IKZF4: variants seen among roughly 807,000 people sequenced by gnomAD.
IKZF4 encodes IKAROS family zinc finger 4, also known as zinc finger protein Eos.
A neutral mutation model predicts 47.7 loss-of-function variants in IKZF4; 11 were observed. The ratio of observed to expected loss-of-function variants is 0.23; its 90% CI spans 0.15 to 0.38. The LOEUF is 0.38. Among genes scored for constraint, IKZF4 ranks in the 10% least tolerant of loss-of-function variants. The pLI, the probability that IKZF4 is intolerant of heterozygous loss-of-function variation, is 1.00. For synonymous variants in IKZF4, 298 were observed against 299.4 expected, an observed-to-expected ratio of 1.00 and a Z score of 0.05; for missense variants, 557 against 784.9, an observed-to-expected ratio of 0.71 and a Z score of 3.47.
upstream of IKZF4, among the ~76,000 whole-genome samples, chr12:56,017,127 T>G (rs1892187056): frequency 6.6e-6 from 1 of 151,944 alleles, no homozygotes; most frequent in South Asian, 2.1e-4. Flanking sequence ...AATTATCACT[T>G]TTAAGTGTTC....
chr12:56,026,232 C>T (rs1416047727), intron 3 of IKZF4, among the ~76,000 whole-genome samples: 2 of 152,066 alleles, frequency 1.3e-5, no homozygotes, highest in African/African-American at 2.4e-5. Flanking sequence ...CCACCACACC[C>T]GGCCCAACTT....
intron 5 of IKZF4, chr12:56,029,769 G>A (rs962996438): frequency 6.6e-6 from 1 of 152,204 alleles, no homozygotes; most frequent in African/African-American, 2.4e-5. Context: ...AAATGAAGCT[G>A]TTGGGGGGAA....
intron 5 of IKZF4, among the ~76,000 whole-genome samples, chr12:56,031,747 G>A (rs1465671080): frequency 6.6e-6 from 1 of 152,130 alleles, no homozygotes; most frequent in Non-Finnish European, 1.5e-5. Flanking sequence ...GTACCACTCT[G>A]TTTTCCAATT....
rs1341724438 is a variant in IKZF4 at position 56,036,350 on chromosome 12, T to C, written c.*1019T>C. On this transcript the variant is annotated 3_prime_UTR_variant, in exon 8 of 8. Coordinates refer to ENST00000547167, the MANE Select transcript of IKZF4 (RefSeq NM_022465.4). ...CTCAAACTTCTTCACTATAGTGACC[T>C]TCCTAGGCTCTCAGGGGCTCCTTCA... 2 of 152,510 alleles carry C rather than the reference T, an allele frequency of 1.3e-5. No individual in the cohort carries two copies. Among genetic ancestry groups the C allele is most frequent in the African/African-American group, 4.8e-5 (2 of 41,424 alleles). The allele number at this position is 152,510 out of a possible 1,614,324, so 9.4% of individuals were successfully genotyped here. A position where few individuals can be genotyped will look rare whatever the true frequency, so the allele number is the denominator to read the frequency against.
upstream of IKZF4, among the ~76,000 whole-genome samples, chr12:56,017,682 C>T (rs948682844): frequency 1.3e-5 from 2 of 152,018 alleles, no homozygotes; most frequent in East Asian, 1.9e-4. Flanking sequence ...TTGTCTTTCA[C>T]CAGGACAAAG....
intron 1 of IKZF4, chr12:56,010,997 A>G (rs1172680615): frequency 6.6e-6 from 1 of 152,198 alleles, no homozygotes; most frequent in African/African-American, 2.4e-5. Context: ...ATCAAAGGCA[A>G]TTGTTCCTGT....
chr12:56,014,781 A>T (rs1192813641), intron 2 of IKZF4, among the ~76,000 whole-genome samples: 1 of 150,006 alleles, frequency 6.7e-6, no homozygotes, highest in East Asian at 2.1e-4. Flanking sequence ...CTCCGTCTCA[A>T]AAAAAAAAAC....
At chr12:56,017,267 G>A (rs1441097179), upstream of IKZF4, among the ~76,000 whole-genome samples, 2 of 114,058 alleles carry the variant, frequency 1.8e-5, no homozygotes, top group South Asian at 3.0e-4. Flanking sequence ...TAAAATAAGC[G>A]TGGTAGAGTA....
At chr12:56,028,282 T>G (rs1894346057) in intron 5 of IKZF4, among the ~76,000 whole-genome samples, 1 of 151,624 alleles carries the variant, frequency 6.6e-6, no homozygotes, top group African/African-American at 2.4e-5. Flanking sequence ...TCCCAGCACT[T>G]TGGGAGGCCA....
At position 56,021,278 on chromosome 12, in the gene IKZF4, T is replaced by G; in HGVS notation, c.-216T>G. The G allele has an allele frequency of 7.9e-7, 1 of 1,266,096 alleles. No homozygotes were observed. Among genetic ancestry groups the G allele is most frequent in the South Asian group, 1.5e-5 (1 of 66,214 alleles). The allele number at this position is 1,266,096 out of a possible 1,614,324, so 78.4% of individuals were successfully genotyped here. ...GCTCTCCCCTCTCCTTCTCTCCCTC[T>G]CTCTCTCTCTCTCTCTCACACACAC... is the stretch of plus-strand genomic sequence containing the variant. On this transcript the variant is annotated 5_prime_UTR_variant, in exon 1 of 8. Transcript: ENST00000547167.
chr12:56,027,795 A>T lies in IKZF4; in HGVS notation c.563A>T (p.His188Leu). 6.2e-7 allele frequency: 1 copy of T among 1,613,194 alleles called. No individual in the cohort carries two copies. The highest frequency in any genetic ancestry group is 1.3e-5 in the African/African-American group (1 of 75,052). ...KRSHTGERPF[H>L]CNQCGASFTQ... Reference sequence around the variant, plus strand: ...TCACTTGCAGGTGAAAGGCCCTTCCATTGCAACCAGTGTGGTGCCTCCTTC... The same window carrying T: ...TCACTTGCAGGTGAAAGGCCCTTCCTTTGCAACCAGTGTGGTGCCTCCTTC... The change falls in exon 5 of 8, where the codon CAT (histidine) becomes CTT (leucine). Residue 188 changes from histidine (H) to leucine (L), a missense_variant. Physicochemically the swap from His to Leu is moderately conservative, Grantham distance 99 (BLOSUM62 -3). Around this residue, in one of 6 missense-constraint regions of IKZF4, gnomAD observed 27 missense variants for 85.4 expected, o/e 0.32. Coordinates refer to ENST00000547167, the MANE Select transcript of IKZF4 (RefSeq NM_022465.4).
At chr12:56,012,211 C>T (rs371690576) in intron 2 of IKZF4, among the ~76,000 whole-genome samples, 1 of 152,002 alleles carries the variant, frequency 6.6e-6, no homozygotes, top group Non-Finnish European at 1.5e-5. Flanking sequence ...ACCATCTTTC[C>T]CAACAATATT....
At chr12:56,026,664 G>A (rs775908652) in intron 3 of IKZF4, 117 bp from the exon 4 acceptor site, 8 of 1,158,686 alleles carry the variant, frequency 6.9e-6, no homozygotes, top group East Asian at 2.9e-5. Flanking sequence ...ACTCCAGCCT[G>A]GGCAACAAGA....
chr12:56,030,622 G>C (rs895273045), intron 5 of IKZF4, among the ~76,000 whole-genome samples: 1 of 151,992 alleles, frequency 6.6e-6, no homozygotes, highest in Non-Finnish European at 1.5e-5. Context: ...CCTGCTACTC[G>C]GGAGGCTGAG....
chr12:56,028,040 T>G, intron 5 of IKZF4, 93 bp downstream of exon 5: 1 of 1,329,784 alleles, frequency 7.5e-7, no homozygotes, highest in Non-Finnish European at 1.0e-6. Context: ...GGAGTTCCAG[T>G]GTCTGTCATT....
intron 2 of IKZF4, among the ~76,000 whole-genome samples, chr12:56,015,778 G>A (rs1293942877): frequency 1.3e-5 from 2 of 152,154 alleles, no homozygotes; most frequent in Non-Finnish European, 1.5e-5. Context: ...CTCAATACCA[G>A]ACTGCCCTCC....
intron 5 of IKZF4, among the ~76,000 whole-genome samples, chr12:56,031,251 CAAAAAAAAGAA>C (rs900054013): frequency 2.7e-5 from 4 of 150,648 alleles, no homozygotes; most frequent in African/African-American, 9.7e-5. Flanking sequence ...ACTCTGTCTC[CAAAAAAAAGAA>C]GAAAAAAAGA....
chr12:56,033,283 T>G lies in IKZF4; in HGVS notation c.959T>G (p.Leu320Arg). The G allele has an allele frequency of 6.2e-7, 1 of 1,613,990 alleles. No homozygotes were observed. Among genetic ancestry groups the G allele is most frequent in the Non-Finnish European group, 8.5e-7 (1 of 1,179,878 alleles). ...PTFIDRLANS[L>R]TKRKRSTPQK... is the part of the protein sequence containing the mutation. ...TTCATCGATCGTCTGGCCAATAGCC[T>G]CACCAAACGCAAGCGTTCCACACCC... is the stretch of plus-strand genomic sequence containing the variant. Residue 320 changes from leucine (L) to arginine (R), a missense_variant, in exon 7 of 8, where the codon CTC becomes CGC. By Grantham distance (102) the Leu-to-Arg change is moderately radical. This residue lies in a region of IKZF4 where 280 missense variants were observed against 314.0 expected (regional missense o/e 0.89). Coordinates refer to ENST00000547167, the MANE Select transcript of IKZF4 (RefSeq NM_022465.4).
upstream of IKZF4, among the ~76,000 whole-genome samples, chr12:56,016,070 A>G (rs1450493256): frequency 1.4e-5 from 2 of 147,452 alleles, no homozygotes; most frequent in Non-Finnish European, 1.5e-5. Flanking sequence ...AAAATGTAAG[A>G]GAGAATTGCT....
Sources: gnomAD v4.1 joint callset for allele counts (sites outside exome capture counted in the v4.1 genomes callset) on GRCh38, gnomAD v4.1.1 for gene constraint, gnomAD v4.1.1 regional missense constraint, MANE v1.5 for transcripts, NCBI Gene and HGNC (gene_info 2026-07-23, HGNC 2026-07-21) for gene names.